The following PAXIP1 variants were observed in gnomAD, a reference collection of about 807,000 sequenced individuals.
PAXIP1 encodes PAX-interacting protein 1.
In PAXIP1, 19 loss-of-function variants were observed where a neutral mutation model predicts 140.6. The ratio of observed to expected loss-of-function variants is 0.14; its 90% CI spans 0.09 to 0.20. PAXIP1 has a LOEUF of 0.20. Among genes scored for constraint, PAXIP1 ranks in the 10% least tolerant of loss-of-function variants. The pLI is 1.00. For missense variants in PAXIP1, 920 were observed against 1,208.6 expected (o/e 0.76, Z 3.54); for synonymous variants, 442 against 444.6 (o/e 0.99, Z 0.07).
chr7:154,982,356 C>CTTTTTTTTTTT (rs1809881626), intron 5 of PAXIP1, among the ~76,000 whole-genome samples: 1 of 152,026 alleles, frequency 6.6e-6, no homozygotes, highest in Non-Finnish European at 1.5e-5. Context: ...GACTGCATTT[C>CTTTTTTTTTTT]TTTTTGTTTT....
intron 4 of PAXIP1, among the ~76,000 whole-genome samples, chr7:154,990,199 T>G (rs306284): frequency 0.3 from 46,176 of 151,760 alleles, 7,368 homozygotes; most frequent in Admixed American, 0.41. Context: ...GCACCACCAT[T>G]CCTGGCTAAT....
intron 8 of PAXIP1, chr7:154,964,921 C>G (rs1285442187): frequency 6.6e-6 from 1 of 152,296 alleles, no homozygotes; most frequent in South Asian, 2.1e-4. Context: ...TTCTATATAC[C>G]TTTTACTATT....
chr7:154,962,565 T>G (rs951551269), intron 9 of PAXIP1, 107 bp from the exon 10 acceptor site: 58 of 952,764 alleles, frequency 6.1e-5, no homozygotes, highest in Non-Finnish European at 8.4e-5. Context: ...GGAAGCCCCA[T>G]AAAAGAATTT....
At chr7:154,993,833 G>C in intron 2 of PAXIP1, 64 bp from the exon 3 acceptor site, 1 of 1,201,388 alleles carries the variant, frequency 8.3e-7, no homozygotes, top group East Asian at 2.5e-5. Flanking sequence ...TATTTTACTA[G>C]TGTTGTTCTT....
rs1807962871 is a variant in PAXIP1 at position 154,946,145 on chromosome 7, C to T, written c.3194+220G>A. 1 of 977,010 alleles carries T rather than the reference C, an allele frequency of 1.0e-6. No homozygotes were observed. The allele number at this position is 977,010 out of a possible 1,614,324, so 60.5% of individuals were successfully genotyped here. ...GACAGTATAGATCCTTTCTAATTAA[C>T]ATCACCTATTAAAACTGAACTCTCA... On this transcript the variant is annotated intron_variant, in intron 20 of 20. Transcript: ENST00000404141. This position sits in a 1 kb window ranked among gnomAD's most constrained non-coding sequence, Gnocchi z 4.9.
rs1307450036 is a variant in PAXIP1, at chr7:154,944,002, T to C, written c.*147A>G. 1.4e-6 allele frequency: 1 copy of C among 734,632 alleles called. No homozygotes were observed. The highest frequency in any genetic ancestry group is 1.5e-5 in the South Asian group (1 of 66,870). 45.5% of individuals were successfully genotyped at this position (734,632 alleles called of 1,614,324 possible). ...ATCTTAAAAAGATGCAGTATATTTATTATATCTGTCTTCCTGCTTCACAGT... is the reference window on the plus strand; with the variant it reads ...ATCTTAAAAAGATGCAGTATATTTACTATATCTGTCTTCCTGCTTCACAGT... On this transcript the variant is annotated 3_prime_UTR_variant, in exon 21 of 21. Coordinates refer to ENST00000404141, the MANE Select transcript of PAXIP1 (RefSeq NM_007349.4).
At chr7:154,999,790 G>A (rs534718700) in intron 1 of PAXIP1, among the ~76,000 whole-genome samples, 1 of 152,174 alleles carries the variant, frequency 6.6e-6, no homozygotes, top group Non-Finnish European at 1.5e-5. Flanking sequence ...GGATCTCCCT[G>A]ACAGAAAGTC....
chr7:154,945,712 A>G lies in PAXIP1; in HGVS notation c.3194+653T>C, dbSNP rs1807935873. The G allele has an allele frequency of 4.1e-6, 4 of 985,342 alleles. No homozygotes were observed. In the South Asian group the frequency reaches 1.9e-4, roughly 46 times the overall value. The allele number at this position is 985,342 out of a possible 1,614,324, so 61.0% of individuals were successfully genotyped here. A position where few individuals can be genotyped will look rare whatever the true frequency, so the allele number is the denominator to read the frequency against. Reference sequence around the variant, plus strand: ...TCTGCAATGGGAAACGGAAGTGGAAACAGAATTTTCCCATAAGGACCTGTA... The same window carrying G: ...TCTGCAATGGGAAACGGAAGTGGAAGCAGAATTTTCCCATAAGGACCTGTA... On this transcript the variant is annotated intron_variant, in intron 20 of 20. Transcript: ENST00000404141.
intron 4 of PAXIP1, among the ~76,000 whole-genome samples, chr7:154,987,034 A>AATGAC (rs1810105670): frequency 6.6e-6 from 1 of 152,296 alleles, no homozygotes; most frequent in Non-Finnish European, 1.5e-5. Flanking sequence ...CACACAATCA[A>AATGAC]ATGACACTAT....
rs1388361350 is a variant in PAXIP1 at position 154,968,923 on chromosome 7, C to G, written c.1278G>C (p.Gln426His). The G allele has an allele frequency of 7.3e-7, 1 of 1,363,396 alleles. No homozygotes were observed. Among genetic ancestry groups the G allele is most frequent in the Non-Finnish European group, 1.0e-6 (1 of 978,008 alleles). The allele number at this position is 1,363,396 out of a possible 1,614,324, so 84.5% of individuals were successfully genotyped here. A position where few individuals can be genotyped will look rare whatever the true frequency, so the allele number is the denominator to read the frequency against. ...TCTGCTGCTGCTGCTGCTGCTGGAG[C>G]TGCATTATCTGCTGGGGCTGAAGGT... Reference protein sequence around the residue: ...VLHLQPQQIMQLQQQQQQQIS... With the variant: ...VLHLQPQQIMHLQQQQQQQIS... Residue 426 changes from glutamine to histidine, a missense_variant, in exon 7 of 21, where the codon CAG becomes CAC. This residue lies in a region of PAXIP1 where 133 missense variants were observed against 88.4 expected (regional missense o/e 1.50). Transcript: ENST00000404141.
At chr7:154,998,932 A>G (rs1810762811) in intron 1 of PAXIP1, 148 bp from the exon 2 acceptor site, 3 of 705,604 alleles carry the variant, frequency 4.3e-6, no homozygotes, top group Non-Finnish European at 4.6e-6. Flanking sequence ...TTTACTCTGA[A>G]TAATATGCCA....
chr7:154,999,578 C>T (rs922758466), intron 1 of PAXIP1, among the ~76,000 whole-genome samples: 2 of 152,192 alleles, frequency 1.3e-5, no homozygotes, highest in African/African-American at 4.8e-5. Flanking sequence ...GTGAGAGAAT[C>T]GGCAAGCCTT....
intron 1 of PAXIP1, chr7:155,002,112 T>G (rs886232544): frequency 6.6e-6 from 1 of 152,266 alleles, no homozygotes; most frequent in African/African-American, 2.4e-5. Flanking sequence ...GATAACTGTG[T>G]GACATCAAAC....
At chr7:154,968,273 T>G in intron 7 of PAXIP1, 130 bp downstream of exon 7, 44 of 728,124 alleles carry the variant, frequency 6.0e-5, no homozygotes, top group Non-Finnish European at 9.0e-5. Flanking sequence ...TTGTTAGGTA[T>G]GAGACTCACA....
intron 16 of PAXIP1, among the ~76,000 whole-genome samples, chr7:154,952,702 C>G (rs186568549): frequency 1.3e-5 from 2 of 152,280 alleles, no homozygotes; most frequent in African/African-American, 4.8e-5. Flanking sequence ...CAGAGGCGCT[C>G]AGGAACCTAA....
At chr7:154,960,137 T>C (rs909759745) in intron 12 of PAXIP1, among the ~76,000 whole-genome samples, 2 of 152,226 alleles carry the variant, frequency 1.3e-5, no homozygotes, top group Non-Finnish European at 2.9e-5. Context: ...TCGTTTCACA[T>C]GCTGTCTGGA....
rs546486467 is a variant in PAXIP1, at chr7:154,978,983, C to G, written c.439-2652G>C. ...ATTTCCTGTGGAAATCTAAGTAAAA[C>G]ACTTAGGTAAACAGCCTTACTATAT... is the stretch of plus-strand genomic sequence containing the variant. On this transcript the variant is annotated intron_variant, in intron 5 of 20. Coordinates refer to ENST00000404141, the MANE Select transcript of PAXIP1 (RefSeq NM_007349.4). Among the ~76,000 whole-genome samples the G allele has an allele frequency of 9.9e-5, 15 of 152,260 alleles. No homozygotes were observed. In the South Asian group the frequency reaches 3.1e-3, roughly 32 times the overall value.
At chr7:154,962,278 C>A (rs1253046837) in intron 10 of PAXIP1, 43 bp downstream of exon 10, 1 of 1,605,012 alleles carries the variant, frequency 6.2e-7, no homozygotes, top group African/African-American at 1.3e-5. Context: ...TCGCCAAAGT[C>A]GAAGGATGAT....
intron 7 of PAXIP1, 113 bp downstream of exon 7, chr7:154,968,290 A>T: frequency 1.2e-6 from 1 of 830,796 alleles, no homozygotes; most frequent in Non-Finnish European, 1.9e-6. Flanking sequence ...CACACTCTCC[A>T]TTTTGTAGTA....
Sources: allele counts gnomAD v4.1 joint callset (sites outside exome capture counted in the v4.1 genomes callset), GRCh38; gene constraint gnomAD v4.1.1; regional missense constraint gnomAD v4.1.1; non-coding constraint Gnocchi (gnomAD v3.1); transcripts MANE v1.5; gene names NCBI Gene and HGNC (gene_info 2026-07-23, HGNC 2026-07-21).